EYS: variants seen among roughly 807,000 people sequenced by gnomAD.
EYS encodes the protein protein eyes shut homolog.
EYS carries 250 observed loss-of-function variants against 282.1 expected under a neutral mutation model. That is an observed-to-expected ratio of 0.89 (90% confidence interval 0.80 to 0.98). EYS has a LOEUF of 0.98. Ranked by LOEUF, EYS falls within the 50% of genes least tolerant of loss-of-function variation. The probability of loss-of-function intolerance (pLI) is 0.00; values close to 1 mark genes in which losing one functional copy is unlikely to be tolerated. For synonymous variants in EYS, 1,355 were observed against 1,282.9 expected, an observed-to-expected ratio of 1.06 and a Z score of -1.20; for missense variants, 4,016 against 3,709.0, an observed-to-expected ratio of 1.08 and a Z score of -2.15.
chr6:64,786,082 A>G (rs6929214), intron 22 of EYS, among the ~76,000 whole-genome samples: 70,646 of 151,980 alleles, frequency 0.46, 19,002 homozygotes, highest in Admixed American at 0.62. Context: ...AAAATGGAAT[A>G]TTTTAGAAAT....
At chr6:64,840,061 T>C (rs1765515340) in intron 19 of EYS, among the ~76,000 whole-genome samples, 1 of 152,120 alleles carries the variant, frequency 6.6e-6, no homozygotes, top group Non-Finnish European at 1.5e-5. Context: ...TGTGTAGCAC[T>C]ACATAGTTGT....
intron 39 of EYS, among the ~76,000 whole-genome samples, chr6:63,782,840 G>T (rs1343602020): frequency 6.6e-6 from 1 of 151,586 alleles, no homozygotes; most frequent in Non-Finnish European, 1.5e-5. Context: ...TAATTGTGTT[G>T]TTAGGGTGTC....
chr6:65,520,119 C>T (rs1310822491), intron 2 of EYS, among the ~76,000 whole-genome samples: 1 of 152,030 alleles, frequency 6.6e-6, no homozygotes, highest in Admixed American at 6.6e-5. Context: ...ATCACCCCCT[C>T]TGGCTATCCA....
intron 30 of EYS, among the ~76,000 whole-genome samples, chr6:64,281,719 T>A (rs1418429162): frequency 2.0e-5 from 3 of 152,088 alleles, no homozygotes; most frequent in African/African-American, 7.2e-5. Context: ...ATAAAAGGCA[T>A]AATGAACCAC....
intron 12 of EYS, among the ~76,000 whole-genome samples, chr6:65,246,574 G>T (rs948029798): frequency 1.3e-5 from 2 of 151,950 alleles, no homozygotes; most frequent in South Asian, 4.1e-4. Context: ...TGGGAAAAGA[G>T]CCCCCCATAG....
At chr6:64,342,283 A>G (rs1405349782) in intron 29 of EYS, among the ~76,000 whole-genome samples, 1 of 151,708 alleles carries the variant, frequency 6.6e-6, no homozygotes, top group Non-Finnish European at 1.5e-5. Flanking sequence ...GGACAGAAAG[A>G]ACCACCCAAA....
intron 2 of EYS, among the ~76,000 whole-genome samples, chr6:65,612,033 T>G (rs973240886): frequency 6.6e-6 from 1 of 151,864 alleles, no homozygotes; most frequent in East Asian, 1.9e-4. Flanking sequence ...ACAATACTTA[T>G]TATCTTAACA....
chr6:63,906,000 C>A (rs2149734593), intron 35 of EYS, among the ~76,000 whole-genome samples: 1 of 152,280 alleles, frequency 6.6e-6, no homozygotes, highest in Middle Eastern at 3.4e-3. Context: ...CCCTGAAGCT[C>A]ATTTGAATGT....
At chr6:63,770,797 T>G (rs1769909579) in intron 40 of EYS, among the ~76,000 whole-genome samples, 1 of 152,184 alleles carries the variant, frequency 6.6e-6, no homozygotes, top group African/African-American at 2.4e-5. Flanking sequence ...CTTTGAAGAA[T>G]ATACAATCAA....
intron 13 of EYS, among the ~76,000 whole-genome samples, chr6:65,010,834 A>G (rs1583394559): frequency 6.6e-6 from 1 of 152,194 alleles, no homozygotes; most frequent in African/African-American, 2.4e-5. Flanking sequence ...CCGAGGGAAC[A>G]CCTATCAAAC....
chr6:64,430,623 TC>T (rs1247937443), intron 28 of EYS, among the ~76,000 whole-genome samples: 1 of 152,180 alleles, frequency 6.6e-6, no homozygotes, highest in African/African-American at 2.4e-5. Flanking sequence ...AGTTATATTT[TC>T]CCTTATAGAA....
rs113072277 is a variant in EYS, at chr6:64,932,822, A to C, written c.2381+12971T>G. ...AATGATTCATTTTAGCTGACCACTA[A>C]GTTAATCAAGCAGAGACTAAAATGG... On this transcript the variant is annotated intron_variant, in intron 15 of 42. Transcript: ENST00000503581. Among the ~76,000 whole-genome samples the C allele has an allele frequency of 2.3e-3, 355 of 152,140 alleles. 3 individuals are homozygous for C. Among genetic ancestry groups the C allele is most frequent in the African/African-American group, 7.8e-3 (325 of 41,540 alleles).
intron 14 of EYS, among the ~76,000 whole-genome samples, chr6:64,948,806 A>G (rs1356629227): frequency 6.6e-6 from 1 of 151,748 alleles, no homozygotes; most frequent in East Asian, 1.9e-4. Context: ...TACAAAGTAG[A>G]CATTACTCTT....
At chr6:65,251,134 T>C (rs1767312606) in intron 12 of EYS, among the ~76,000 whole-genome samples, 1 of 150,932 alleles carries the variant, frequency 6.6e-6, no homozygotes, top group Non-Finnish European at 1.5e-5. Context: ...TTTATAGCAT[T>C]GAGAATCCAG....
intron 34 of EYS, among the ~76,000 whole-genome samples, chr6:63,986,943 C>A (rs1478298604): frequency 4.0e-5 from 6 of 150,514 alleles, no homozygotes; most frequent in African/African-American, 1.5e-4. Context: ...AGTTAAAAAA[C>A]AAAAAAAAGA....
intron 2 of EYS, among the ~76,000 whole-genome samples, chr6:65,615,812 C>T (rs1426336393): frequency 2.6e-5 from 4 of 151,778 alleles, no homozygotes; most frequent in Non-Finnish European, 4.4e-5. Context: ...CGGGCGCCTG[C>T]AGTCCCAGCT....
chr6:63,849,277 G>T (rs543823633), intron 36 of EYS, among the ~76,000 whole-genome samples: 2 of 152,290 alleles, frequency 1.3e-5, no homozygotes, highest in Non-Finnish European at 2.9e-5. Context: ...ATACTTAAAG[G>T]TTCCTGCCTG....
chr6:65,696,961 G>T (rs567347295), intron 1 of EYS, among the ~76,000 whole-genome samples: 1 of 151,936 alleles, frequency 6.6e-6, no homozygotes, highest in African/African-American at 2.4e-5. Context: ...ATTGAATTCT[G>T]TAAGCTTAGT....
At chr6:63,954,448 C>T (rs1765726335) in intron 35 of EYS, among the ~76,000 whole-genome samples, 1 of 152,178 alleles carries the variant, frequency 6.6e-6, no homozygotes, top group South Asian at 2.1e-4. Context: ...CCATATCCTG[C>T]ACCACCATGC....
Sources: allele counts gnomAD v4.1 joint callset (sites outside exome capture counted in the v4.1 genomes callset), GRCh38; gene constraint gnomAD v4.1.1; transcripts MANE v1.5; gene names NCBI Gene and HGNC (gene_info 2026-07-23, HGNC 2026-07-21).